EEPD1: variants seen among roughly 807,000 people sequenced by gnomAD.
EEPD1 encodes the protein endonuclease/exonuclease/phosphatase family domain-containing protein 1.
Under a neutral mutation model 46.3 loss-of-function variants are expected in EEPD1, and 17 were observed. The observed-to-expected ratio is 0.37, with a 90% CI of 0.25 to 0.55. EEPD1 has a LOEUF of 0.55. Ranked by LOEUF, EEPD1 falls within the 20% of genes least tolerant of loss-of-function variation. EEPD1 has a pLI of 0.83. For synonymous variants in EEPD1, 313 were observed against 315.6 expected (o/e 0.99, Z 0.09); for missense variants, 673 against 745.6 (o/e 0.90, Z 1.13).
At chr7:36,287,519 C>G (rs1464461219) in intron 5 of EEPD1, 120 bp from the exon 6 acceptor site, 1 of 1,438,470 alleles carries the variant, frequency 7.0e-7, no homozygotes, top group Non-Finnish European at 9.3e-7. Context: ...TGTGAGCCAG[C>G]CTTGTTCTTG....
chr7:36,194,396 A>T (rs2540670), intron 2 of EEPD1, among the ~76,000 whole-genome samples: 16,637 of 152,246 alleles, frequency 0.11, 1,208 homozygotes, highest in Non-Finnish European at 0.17. Flanking sequence ...TAATTCTGGC[A>T]TCCTACTCCA....
At chr7:36,158,929 C>T (rs1348435972) in intron 2 of EEPD1, among the ~76,000 whole-genome samples, 3 of 152,358 alleles carry the variant, frequency 2.0e-5, no homozygotes, top group Admixed American at 1.3e-4. Context: ...CCCACTTGCT[C>T]ATTTTCCCTG....
At chr7:36,281,349 A>G (rs907716875) in intron 4 of EEPD1, 124 bp downstream of exon 4, 1 of 851,330 alleles carries the variant, frequency 1.2e-6, no homozygotes, top group Non-Finnish European at 1.8e-6. Context: ...TTTCTGCCCA[A>G]TTTTTAAATC....
At chr7:36,262,706 G>A (rs1343381675) in intron 3 of EEPD1, among the ~76,000 whole-genome samples, 7 of 152,096 alleles carry the variant, frequency 4.6e-5, no homozygotes, top group East Asian at 1.9e-4. Context: ...TGTACCAGTC[G>A]AGTGTTCCTG....
At chr7:36,228,074 C>T (rs970347323) in intron 2 of EEPD1, among the ~76,000 whole-genome samples, 1 of 152,138 alleles carries the variant, frequency 6.6e-6, no homozygotes. Flanking sequence ...GTGAGACCCC[C>T]ATCTCTATTA....
At chr7:36,163,049 T>TA (rs936884558) in intron 2 of EEPD1, among the ~76,000 whole-genome samples, 26 of 151,806 alleles carry the variant, frequency 1.7e-4, no homozygotes, top group Admixed American at 5.2e-4. Context: ...ATATCCTGTT[T>TA]AAAAAAAACA....
At chr7:36,271,102 T>G (rs1787095166) in intron 3 of EEPD1, among the ~76,000 whole-genome samples, 1 of 152,140 alleles carries the variant, frequency 6.6e-6, no homozygotes, top group African/African-American at 2.4e-5. Flanking sequence ...TTCCCCTGCC[T>G]CAGCCTCCCG....
chr7:36,170,597 A>G (rs1368722148), intron 2 of EEPD1, among the ~76,000 whole-genome samples: 1 of 150,918 alleles, frequency 6.6e-6, no homozygotes, highest in Non-Finnish European at 1.5e-5. Context: ...GCTCCCCTCA[A>G]GAAAGATTAA....
intron 2 of EEPD1, among the ~76,000 whole-genome samples, chr7:36,160,681 G>T (rs1282480396): frequency 9.6e-6 from 1 of 104,368 alleles, no homozygotes; most frequent in African/African-American, 3.7e-5. Context: ...GGTGGTGGGG[G>T]GCGGGGCGTG....
chr7:36,263,212 G>A (rs976401406), intron 3 of EEPD1, among the ~76,000 whole-genome samples: 1 of 152,054 alleles, frequency 6.6e-6, no homozygotes, highest in Admixed American at 6.6e-5. Context: ...CACGTCTGTA[G>A]TCCCAGCTAC....
At chr7:36,244,979 T>C (rs1786613936) in intron 3 of EEPD1, among the ~76,000 whole-genome samples, 1 of 149,584 alleles carries the variant, frequency 6.7e-6, no homozygotes, top group South Asian at 2.1e-4. Flanking sequence ...GGAGTCTCGC[T>C]CTGTTGCCCA....
chr7:36,249,344 A>G (rs1490612688), intron 3 of EEPD1, among the ~76,000 whole-genome samples: 1 of 152,158 alleles, frequency 6.6e-6, no homozygotes, highest in African/African-American at 2.4e-5. Flanking sequence ...GCCTTTTCCA[A>G]GTTCTTGGGC....
chr7:36,259,335 G>C (rs972025922), intron 3 of EEPD1, among the ~76,000 whole-genome samples: 2 of 152,022 alleles, frequency 1.3e-5, no homozygotes, highest in African/African-American at 4.8e-5. Context: ...TACCAGATTT[G>C]TACTTAGTTC....
chr7:36,204,323 A>T (rs75837452), intron 2 of EEPD1, among the ~76,000 whole-genome samples: 8,420 of 152,214 alleles, frequency 0.055, 317 homozygotes, highest in South Asian at 0.088. Flanking sequence ...GTTGGGAGCC[A>T]CTGTGCCCAG....
intron 2 of EEPD1, among the ~76,000 whole-genome samples, chr7:36,155,465 G>A (rs1377188655): frequency 6.6e-6 from 1 of 152,184 alleles, no homozygotes; most frequent in South Asian, 2.1e-4. Context: ...GTAAGCAGAG[G>A]TTGTGTTTTT....
intron 2 of EEPD1, among the ~76,000 whole-genome samples, chr7:36,233,105 G>A (rs557191352): frequency 4.2e-4 from 64 of 152,304 alleles, no homozygotes; most frequent in Middle Eastern, 3.4e-3. Context: ...GGTTATTTCA[G>A]AGGCAGATTA....
Position 36,284,829 on chromosome 7 carries a change from T to G in EEPD1, c.1176+9T>G. On this transcript the variant is annotated intron_variant, in intron 5 of 7. Coordinates refer to ENST00000242108, the MANE Select transcript of EEPD1 (RefSeq NM_030636.3). ...ACCTCGGGAGGTTCAAGGTACCCGC[T>G]CCACGCCGTCTGTGACGTGGAATCT... is the stretch of plus-strand genomic sequence containing the variant. 1 of 1,467,182 alleles carries G rather than the reference T, an allele frequency of 6.8e-7. No homozygotes were observed. The allele number at this position is 1,467,182 out of a possible 1,614,324, so 90.9% of individuals were successfully genotyped here. A position where few individuals can be genotyped will look rare whatever the true frequency, so the allele number is the denominator to read the frequency against.
chr7:36,224,593 A>G (rs1297925521), intron 2 of EEPD1, among the ~76,000 whole-genome samples: 4 of 152,198 alleles, frequency 2.6e-5, no homozygotes, highest in South Asian at 2.1e-4. Flanking sequence ...GCAAAAGGAC[A>G]TGGTCTCCCA....
At position 36,155,066 on chromosome 7, in the gene EEPD1, G is replaced by A. The variant is rs572952080; in HGVS notation, c.742G>A (p.Val248Met). ...PTQIISTRPSVEAFGGTRDGR... is the reference protein window; with the variant it reads ...PTQIISTRPSMEAFGGTRDGR... Reference sequence around the variant, plus strand: ...CCAGATTATCTCCACTCGGCCGTCCGTGGAGGCCTTTGGAGGCACAAGGGA... The same window carrying A: ...CCAGATTATCTCCACTCGGCCGTCCATGGAGGCCTTTGGAGGCACAAGGGA... Residue 248 changes from valine (V) to methionine (M), a missense_variant, in exon 2 of 8, where the codon GTG (valine) becomes ATG (methionine). Physicochemically the swap from Val to Met is conservative, Grantham distance 21. Transcript: ENST00000242108. 18 of 1,593,870 alleles carry A rather than the reference G, an allele frequency of 1.1e-5. No homozygotes were observed. Among genetic ancestry groups the A allele is most frequent in the South Asian group, 2.3e-5 (2 of 87,854 alleles).
Sources: allele counts gnomAD v4.1 joint callset (sites outside exome capture counted in the v4.1 genomes callset), GRCh38; gene constraint gnomAD v4.1.1; transcripts MANE v1.5; gene names NCBI Gene and HGNC (gene_info 2026-07-23, HGNC 2026-07-21).